Variants in PRRT1B observed in about 807,000 individuals in gnomAD.
The protein encoded by PRRT1B is dispanin subfamily D member 2.
chr9:131,546,470 C>T (rs1950975524), intron 1 of PRRT1B, among the ~76,000 whole-genome samples: 1 of 152,076 alleles, frequency 6.6e-6, no homozygotes, highest in Non-Finnish European at 1.5e-5. Flanking sequence ...TGGCTGGAAG[C>T]AGTGGGGCGG....
intron 1 of PRRT1B, among the ~76,000 whole-genome samples, chr9:131,548,734 TGC>T (rs1365625547): frequency 6.6e-6 from 1 of 152,160 alleles, no homozygotes; most frequent in African/African-American, 2.4e-5. Context: ...CAGGCTGCTC[TGC>T]GCCAGGCTGA....
intron 1 of PRRT1B, among the ~76,000 whole-genome samples, chr9:131,550,939 CTTTTTTTTTTTTTT>C (rs546049217): frequency 1.1e-4 from 8 of 75,998 alleles, no homozygotes; most frequent in Admixed American, 1.7e-4. Context: ...TTTTCTTTTT[CTTTTTTTTTTTTTT>C]TTTTTTTGAG....
Position 131,555,045 on chromosome 9 carries a change from CCTGGG to C in PRRT1B, c.498+18_498+22del, listed in dbSNP as rs1951039724. 1 of 390,634 alleles carries C rather than the reference CCTGGG, an allele frequency of 2.6e-6. No individual in the cohort carries two copies. Among genetic ancestry groups the C allele is most frequent in the Non-Finnish European group, 4.5e-6 (1 of 221,122 alleles). 24.2% of individuals were successfully genotyped at this position (390,634 alleles called of 1,614,324 possible). A position where few individuals can be genotyped will look rare whatever the true frequency, so the allele number is the denominator to read the frequency against. On this transcript the variant is annotated intron_variant, in intron 2 of 3. Coordinates refer to ENST00000636672, the Ensembl canonical transcript of PRRT1B. ...CTTCCCCGTGGTGAGTGGCCGCCGC[CCTGGG>C]CGCGCTCCCCTCCGTGCTGTCTGCG... is the stretch of plus-strand genomic sequence containing the variant.
At chr9:131,559,541 C>T (rs964083093), downstream of PRRT1B, among the ~76,000 whole-genome samples, 6 of 152,342 alleles carry the variant, frequency 3.9e-5, no homozygotes, top group South Asian at 2.1e-4. Flanking sequence ...AGAGCAGCCT[C>T]GGTGTGCTGC....
chr9:131,554,602 C>T, exon 2 of PRRT1B: 1 of 396,214 alleles, frequency 2.5e-6, no homozygotes, highest in Non-Finnish European at 4.5e-6. Context: ...CCCGAGGACC[C>T]CCGGAGCCCC....
intron 1 of PRRT1B, among the ~76,000 whole-genome samples, chr9:131,552,651 G>GT (rs1043307396): frequency 1.5e-4 from 22 of 144,462 alleles, no homozygotes; most frequent in African/African-American, 5.5e-4. Context: ...TGCACATGCA[G>GT]TTTGGGGGGG....
chr9:131,546,785 G>A lies in PRRT1B; in HGVS notation c.25+1145G>A, dbSNP rs1020073093. ...CCCCCGCCAGGCAGCGCCGCCAGCA[G>A]ATTTATTTACTCTGGGGCCCTATCT... On this transcript the variant is annotated intron_variant, in intron 1 of 3. Transcript: ENST00000636672. Among the ~76,000 whole-genome samples the A allele has an allele frequency of 2.0e-4, 30 of 152,284 alleles. 1 individual carries two copies. The highest frequency in any genetic ancestry group is 7.2e-4 in the African/African-American group (30 of 41,562).
At chr9:131,547,686 T>G (rs528978636) in intron 1 of PRRT1B, among the ~76,000 whole-genome samples, 32 of 152,284 alleles carry the variant, frequency 2.1e-4, no homozygotes, top group Admixed American at 1.8e-3. Flanking sequence ...CCTCCTGCTC[T>G]TTGCTCCGTG....
chr9:131,550,939 C>CTTT (rs546049217), intron 1 of PRRT1B, among the ~76,000 whole-genome samples: 2 of 75,988 alleles, frequency 2.6e-5, no homozygotes, highest in East Asian at 3.9e-4. Context: ...TTTTCTTTTT[C>CTTT]TTTTTTTTTT....
At chr9:131,547,065 CTTTT>C (rs549825970) in intron 1 of PRRT1B, among the ~76,000 whole-genome samples, 3 of 100,804 alleles carry the variant, frequency 3.0e-5, no homozygotes, top group African/African-American at 9.8e-5. Flanking sequence ...CTCCTGTTCG[CTTTT>C]TTTTTTTTTT....
intron 3 of PRRT1B, among the ~76,000 whole-genome samples, chr9:131,556,488 C>T (rs1230287389): frequency 2.0e-5 from 3 of 152,192 alleles, no homozygotes; most frequent in Admixed American, 2.0e-4. Flanking sequence ...GCTGCCCATT[C>T]CAGTGGAGGC....
chr9:131,557,484 G>A (rs576664077), intron 3 of PRRT1B, among the ~76,000 whole-genome samples: 4 of 152,314 alleles, frequency 2.6e-5, no homozygotes, highest in African/African-American at 9.6e-5. Flanking sequence ...GTTGCAGTGA[G>A]CTGAGATCGC....
chr9:131,549,374 G>C (rs1018969256), intron 1 of PRRT1B, among the ~76,000 whole-genome samples: 17 of 152,148 alleles, frequency 1.1e-4, no homozygotes, highest in Non-Finnish European at 2.2e-4. Flanking sequence ...TTGGAAATCT[G>C]GCCACTGGGC....
chr9:131,546,201 C>A (rs1193102268), intron 1 of PRRT1B, among the ~76,000 whole-genome samples: 1 of 151,978 alleles, frequency 6.6e-6, no homozygotes, highest in Non-Finnish European at 1.5e-5. Context: ...GCGACCCTGG[C>A]CAGGGCGGGG....
intron 1 of PRRT1B, among the ~76,000 whole-genome samples, chr9:131,545,848 G>GC (rs1275458532): frequency 1.3e-5 from 2 of 151,932 alleles, no homozygotes; most frequent in African/African-American, 4.8e-5. Context: ...TGGGGCGGGT[G>GC]CTGGAGGGGG....
intron 2 of PRRT1B, 49 bp from the exon 3 acceptor site, chr9:131,556,021 G>A: frequency 2.5e-6 from 1 of 400,086 alleles, no homozygotes; most frequent in South Asian, 1.3e-4. Context: ...TCACTCTGTT[G>A]TCCAGAGGCT....
chr9:131,546,594 G>A (rs1950976841), intron 1 of PRRT1B, among the ~76,000 whole-genome samples: 1 of 151,374 alleles, frequency 6.6e-6, no homozygotes, highest in Non-Finnish European at 1.5e-5. Flanking sequence ...AAGCAGCTCC[G>A]GGAGATGCTG....
rs556125062 is a variant in PRRT1B at position 131,558,102 on chromosome 9, C to T, written c.692C>T (p.Ser231Leu). Residue 231 changes from serine (S) to leucine (L), a missense_variant, in exon 4 of 4, where the codon TCG becomes TTG. Transcript: ENST00000636672. The stretch of plus-strand genomic sequence containing the variant: ...GACCTGGCCCAGGCTGAGGAGGCCT[C>T]GCGGAAGGCCCGCTCGCTGGTGCTC... 343 of 400,802 alleles carry T rather than the reference C, an allele frequency of 8.6e-4. 1 individual carries two copies. Among genetic ancestry groups the T allele is most frequent in the African/African-American group, 6.1e-3 (300 of 48,834 alleles). 24.8% of individuals were successfully genotyped at this position (400,802 alleles called of 1,614,324 possible). A position where few individuals can be genotyped will look rare whatever the true frequency, so the allele number is the denominator to read the frequency against.
chr9:131,546,650 C>G (rs891007476), intron 1 of PRRT1B, among the ~76,000 whole-genome samples: 6 of 152,076 alleles, frequency 3.9e-5, no homozygotes, highest in African/African-American at 1.2e-4. Context: ...GACTCCCCCC[C>G]AGACCCTCAA....
Sources: gnomAD v4.1 joint callset for allele counts (sites outside exome capture counted in the v4.1 genomes callset) on GRCh38, gnomAD v4.1.1 for gene constraint, MANE v1.5 for transcripts, NCBI Gene and HGNC (gene_info 2026-07-23, HGNC 2026-07-21) for gene names.